Variants in PRR5L observed in about 807,000 individuals in gnomAD.
PRR5L encodes the protein proline rich 5 like.
Under a neutral mutation model 36.4 loss-of-function variants are expected in PRR5L, and 21 were observed. The ratio of observed to expected loss-of-function variants is 0.58; its 90% CI spans 0.41 to 0.83. The LOEUF (loss-of-function observed/expected upper bound fraction) is 0.83. PRR5L is among the 40% of genes least tolerant of loss of function. PRR5L has a pLI of 0.00. For synonymous variants in PRR5L, 188 were observed against 197.0 expected (o/e 0.95, Z 0.38); for missense variants, 381 against 473.3 (o/e 0.80, Z 1.81).
intron 6 of PRR5L, among the ~76,000 whole-genome samples, chr11:36,444,241 T>C (rs1490791082): frequency 1.3e-5 from 2 of 152,090 alleles, no homozygotes; most frequent in Non-Finnish European, 2.9e-5. Flanking sequence ...ATGTCCAAAA[T>C]ATACAAAGTG....
intron 6 of PRR5L, among the ~76,000 whole-genome samples, chr11:36,439,668 C>T (rs926590472): frequency 6.6e-6 from 1 of 152,178 alleles, no homozygotes; most frequent in South Asian, 2.1e-4. Context: ...GGGGAGGTGG[C>T]GAAGATCTGC....
In PRR5L at chr11:36,367,520, A is replaced by G. The variant is rs115378366; in HGVS notation, c.-125-33477A>G. The stretch of plus-strand genomic sequence containing the variant: ...TCAAATGGAACTGTCCTTAAATGGT[A>G]CTACCAGGTCTCAGTCCAAACCTTA... On this transcript the variant is annotated intron_variant, in intron 1 of 8. Transcript: ENST00000530639. Among the ~76,000 whole-genome samples, 562 of 152,314 alleles carry G rather than the reference A, an allele frequency of 3.7e-3. 5 individuals are homozygous for G. Among genetic ancestry groups the G allele is most frequent in the African/African-American group, 0.013 (543 of 41,564 alleles).
At chr11:36,368,057 A>G (rs924363022) in intron 1 of PRR5L, among the ~76,000 whole-genome samples, 2 of 152,248 alleles carry the variant, frequency 1.3e-5, no homozygotes, top group Admixed American at 1.3e-4. Flanking sequence ...GAAAACGTCA[A>G]GGCTGACCGT....
At chr11:36,351,415 A>ATATATATTTATATATACATATATATT (rs1856948513) in intron 1 of PRR5L, among the ~76,000 whole-genome samples, 1 of 69,144 alleles carries the variant, frequency 1.4e-5, no homozygotes, top group African/African-American at 6.6e-5. Flanking sequence ...ATATATATGT[A>ATATATATTTATATATACATATATATT]TATATATTTA....
At chr11:36,462,031 C>T (rs1590618188) in intron 8 of PRR5L, among the ~76,000 whole-genome samples, 1 of 152,266 alleles carries the variant, frequency 6.6e-6, no homozygotes, top group South Asian at 2.1e-4. Flanking sequence ...AGGGCAAACC[C>T]AATGAAGCTC....
intron 1 of PRR5L, among the ~76,000 whole-genome samples, chr11:36,371,364 T>G (rs1379015084): frequency 6.6e-6 from 1 of 152,242 alleles, no homozygotes; most frequent in Non-Finnish European, 1.5e-5. Context: ...CCCATTTTTA[T>G]GGATAGTATA....
chr11:36,320,744 C>A (rs1856607080), intron 1 of PRR5L, among the ~76,000 whole-genome samples: 1 of 152,110 alleles, frequency 6.6e-6, no homozygotes, highest in Admixed American at 6.5e-5. Flanking sequence ...TTTGTTTAGT[C>A]TTTTTCTTAC....
At chr11:36,427,784 T>C (rs911164152) in intron 4 of PRR5L, among the ~76,000 whole-genome samples, 1 of 152,180 alleles carries the variant, frequency 6.6e-6, no homozygotes, top group African/African-American at 2.4e-5. Context: ...GAATCCTGAA[T>C]GCCATTCTTC....
chr11:36,401,180 G>T lies in PRR5L; in HGVS notation c.59G>T (p.Arg20Leu). The change falls in exon 2 of 9, where the codon CGC becomes CTC. Residue 20 changes from arginine to leucine, a missense_variant. Physicochemically the swap from Arg to Leu is moderately radical, Grantham distance 102 (BLOSUM62 -2). Transcript: ENST00000530639. ...PVEFHKMGSF[R>L]RPRPRFMSSP... is the part of the protein sequence containing the mutation. ...GAGTTCCACAAGATGGGCTCCTTCC[G>T]CAGGCCTAGACCGCGCTTCATGAGC... 6.2e-7 allele frequency: 1 copy of T among 1,614,106 alleles called. No homozygotes were observed.
In PRR5L at chr11:36,394,620, C is replaced by T. The variant is rs146406740; in HGVS notation, c.-125-6377C>T. Among the ~76,000 whole-genome samples, 542 of 152,282 alleles carry T rather than the reference C, an allele frequency of 3.6e-3. 5 individuals are homozygous for T. Among genetic ancestry groups the T allele is most frequent in the Middle Eastern group, 0.034 (10 of 294 alleles). On this transcript the variant is annotated intron_variant, in intron 1 of 8. Coordinates refer to ENST00000530639, the MANE Select transcript of PRR5L (RefSeq NM_001160167.2). ...CTTTCAGCTCCTGGTGGCTGCATTA[C>T]TCCAGTTCCTGCGTCTGTCTCCATA...
chr11:36,424,822 A>T (rs1309902405), intron 4 of PRR5L, among the ~76,000 whole-genome samples: 3 of 150,884 alleles, frequency 2.0e-5, no homozygotes, highest in Non-Finnish European at 4.4e-5. Context: ...GGCCCAAGTG[A>T]TCTGTTTTTT....
At chr11:36,320,960 A>G (rs189043407) in intron 1 of PRR5L, among the ~76,000 whole-genome samples, 8 of 152,346 alleles carry the variant, frequency 5.3e-5, no homozygotes, top group African/African-American at 1.9e-4. Context: ...TTCTAGAAAT[A>G]GGCTCCTGTT....
At chr11:36,458,627 G>T (rs976719307) in intron 8 of PRR5L, among the ~76,000 whole-genome samples, 1 of 152,238 alleles carries the variant, frequency 6.6e-6, no homozygotes, top group African/African-American at 2.4e-5. Context: ...GCAGATGGAT[G>T]TAGGCAGGTC....
At chr11:36,300,447 A>G (rs1034024219) in intron 1 of PRR5L, among the ~76,000 whole-genome samples, 1 of 152,124 alleles carries the variant, frequency 6.6e-6, no homozygotes, top group Non-Finnish European at 1.5e-5. Context: ...CCGTGACCCA[A>G]ACATGTCCCA....
chr11:36,367,740 TTCTCTCTCTC>T (rs55635913), intron 1 of PRR5L, among the ~76,000 whole-genome samples: 20,075 of 149,902 alleles, frequency 0.13, 1,487 homozygotes, highest in Admixed American at 0.25. Flanking sequence ...ACCAGAGAAC[TTCTCTCTCTC>T]TCTCTCTCTC....
At chr11:36,452,013 T>C (rs1858956005) in intron 8 of PRR5L, among the ~76,000 whole-genome samples, 1 of 151,952 alleles carries the variant, frequency 6.6e-6, no homozygotes, top group African/African-American at 2.4e-5. Flanking sequence ...AATATCTCTA[T>C]AATACAAAAT....
At chr11:36,400,862 CTGCCAGGGAATAGATGCTAT>C (rs1447306319) in intron 1 of PRR5L, 115 bp from the exon 2 acceptor site, 6 of 573,832 alleles carry the variant, frequency 1.0e-5, no homozygotes, top group Non-Finnish European at 1.6e-5. Flanking sequence ...GAATGGGAAC[CTGCCAGGGAATAGATGCTAT>C]TGCTGGGTCC....
intron 1 of PRR5L, among the ~76,000 whole-genome samples, chr11:36,299,606 C>T (rs528213072): frequency 6.6e-6 from 1 of 152,302 alleles, no homozygotes; most frequent in African/African-American, 2.4e-5. Flanking sequence ...CATCCTGCTA[C>T]ACAAATAGCA....
intron 1 of PRR5L, among the ~76,000 whole-genome samples, chr11:36,386,272 C>T (rs1189861580): frequency 6.6e-6 from 1 of 151,574 alleles, no homozygotes; most frequent in African/African-American, 2.4e-5. Context: ...GGTGACAGAG[C>T]GAGACCTTGT....
Sources: gnomAD v4.1 joint callset for allele counts (sites outside exome capture counted in the v4.1 genomes callset) on GRCh38, gnomAD v4.1.1 for gene constraint, MANE v1.5 for transcripts, NCBI Gene and HGNC (gene_info 2026-07-23, HGNC 2026-07-21) for gene names.